Variants in MAP7 observed in about 807,000 individuals in gnomAD.
MAP7 encodes microtubule associated protein 7.
Under a neutral mutation model 94.8 loss-of-function variants are expected in MAP7, and 52 were observed. That is an observed-to-expected ratio of 0.55 (90% CI 0.44 to 0.69). The LOEUF is 0.69. Ranked by LOEUF, MAP7 falls within the 30% of genes least tolerant of loss-of-function variation. The pLI, the probability that MAP7 is intolerant of heterozygous loss-of-function variation, is 0.00. For synonymous variants in MAP7, 350 were observed against 357.0 expected, an observed-to-expected ratio of 0.98 and a Z score of 0.22; for missense variants, 940 against 964.6, an observed-to-expected ratio of 0.97 and a Z score of 0.34.
intron 11 of MAP7, among the ~76,000 whole-genome samples, chr6:136,361,968 A>G (rs1582671946): frequency 6.6e-6 from 1 of 152,360 alleles, no homozygotes; most frequent in East Asian, 1.9e-4. Context: ...ATAATTATGT[A>G]AATATGTATA....
chr6:136,505,275 G>GTATATATA (rs1312349410), intron 1 of MAP7, among the ~76,000 whole-genome samples: 66 of 69,164 alleles, frequency 9.5e-4, no homozygotes, highest in East Asian at 2.0e-3. Flanking sequence ...GTGTGTGTGT[G>GTATATATA]TGTATATATA....
At chr6:136,520,731 C>G (rs1037967937) in intron 1 of MAP7, among the ~76,000 whole-genome samples, 1 of 152,156 alleles carries the variant, frequency 6.6e-6, no homozygotes, top group Non-Finnish European at 1.5e-5. Flanking sequence ...TCTGATTCTA[C>G]AGAGTAAGTC....
chr6:136,548,861 T>C (rs1352257418), intron 1 of MAP7, among the ~76,000 whole-genome samples: 1 of 152,236 alleles, frequency 6.6e-6, no homozygotes, highest in African/African-American at 2.4e-5. Context: ...CAAATGAGGA[T>C]GCTCCTCTCC....
At chr6:136,495,764 T>C (rs886178037) in intron 1 of MAP7, among the ~76,000 whole-genome samples, 6 of 152,174 alleles carry the variant, frequency 3.9e-5, no homozygotes, top group African/African-American at 1.4e-4. Flanking sequence ...ATAGAATCTA[T>C]AGATACCAAC....
intron 1 of MAP7, among the ~76,000 whole-genome samples, chr6:136,456,318 C>T (rs917986194): frequency 3.3e-5 from 5 of 152,016 alleles, no homozygotes; most frequent in East Asian, 1.9e-4. Context: ...CCAAAACTTA[C>T]GAGATGCAGC....
At chr6:136,369,508 G>A (rs974017985) in intron 8 of MAP7, among the ~76,000 whole-genome samples, 1 of 152,148 alleles carries the variant, frequency 6.6e-6, no homozygotes, top group Non-Finnish European at 1.5e-5. Flanking sequence ...GGGAGGCAGA[G>A]GTTGCAGTGA....
intron 1 of MAP7, among the ~76,000 whole-genome samples, chr6:136,522,812 A>G (rs1440367862): frequency 1.4e-4 from 21 of 152,350 alleles, no homozygotes; most frequent in Admixed American, 1.4e-3. Flanking sequence ...TGGGAGGATC[A>G]CTTGAAGACA....
chr6:136,466,879 G>C (rs1807298698), intron 1 of MAP7: 14 of 1,525,144 alleles, frequency 9.2e-6, no homozygotes, highest in Non-Finnish European at 1.1e-5. Flanking sequence ...AAATATCAGT[G>C]AAGGGGCCGT....
Position 136,360,799 on chromosome 6 carries a change from C to T in MAP7, c.1702-1G>A. On this transcript the variant is annotated splice_acceptor_variant, in intron 12 of 17. Transcript: ENST00000354570. LOFTEE classifies it high-confidence loss of function. ...CACGAACGCGAGCTTCTTCTTCTTT[C>T]TGAAAACAGAAGGTCGGCGTCTGCC... 1 of 1,613,700 alleles carries T rather than the reference C, an allele frequency of 6.2e-7. No homozygotes were observed. Among genetic ancestry groups the T allele is most frequent in the Non-Finnish European group, 8.5e-7 (1 of 1,180,002 alleles).
chr6:136,389,221 A>G, intron 4 of MAP7, 133 bp downstream of exon 4: 2 of 1,372,934 alleles, frequency 1.5e-6, no homozygotes, highest in Non-Finnish European at 1.9e-6. Context: ...TAGAAACTGT[A>G]GCCATCTGTA....
chr6:136,544,645 T>C (rs1215884303), intron 1 of MAP7, among the ~76,000 whole-genome samples: 2 of 152,218 alleles, frequency 1.3e-5, no homozygotes, highest in Non-Finnish European at 2.9e-5. Flanking sequence ...TCAGCTATTA[T>C]TCCTTTATGG....
intron 1 of MAP7, among the ~76,000 whole-genome samples, chr6:136,433,363 C>T (rs1186601053): frequency 6.6e-6 from 1 of 152,204 alleles, no homozygotes; most frequent in Non-Finnish European, 1.5e-5. Flanking sequence ...TGTGAGACCA[C>T]AGTCCTGACT....
At chr6:136,362,147 A>G (rs1418104474) in intron 11 of MAP7, among the ~76,000 whole-genome samples, 1 of 152,118 alleles carries the variant, frequency 6.6e-6, no homozygotes, top group Non-Finnish European at 1.5e-5. Flanking sequence ...ATGGCTGGGC[A>G]TGGTGGCTCA....
chr6:136,415,974 GA>G (rs1447605329), intron 2 of MAP7, among the ~76,000 whole-genome samples: 2 of 152,170 alleles, frequency 1.3e-5, no homozygotes, highest in Non-Finnish European at 2.9e-5. Context: ...ATTGTAGAGT[GA>G]AAAAGTTATT....
At chr6:136,372,729 G>A in intron 7 of MAP7, 104 bp from the exon 8 acceptor site, 2 of 1,451,530 alleles carry the variant, frequency 1.4e-6, no homozygotes, top group Non-Finnish European at 1.9e-6. Flanking sequence ...TTCAGGAAAA[G>A]GAGCAAAGCA....
chr6:136,523,783 CTTGA>C (rs1323489267), intron 1 of MAP7, among the ~76,000 whole-genome samples: 3 of 152,070 alleles, frequency 2.0e-5, no homozygotes, highest in Admixed American at 2.0e-4. Context: ...TCAGAAACTC[CTTGA>C]TTAAGTCTCT....
intron 7 of MAP7, among the ~76,000 whole-genome samples, chr6:136,375,726 CA>C (rs770829959): frequency 1.1e-4 from 17 of 152,080 alleles, no homozygotes; most frequent in Non-Finnish European, 2.2e-4. Context: ...AATGTATTGA[CA>C]AAACAGGCAG....
At chr6:136,404,745 C>T (rs1785101085) in intron 3 of MAP7, among the ~76,000 whole-genome samples, 1 of 152,186 alleles carries the variant, frequency 6.6e-6, no homozygotes, top group African/African-American at 2.4e-5. Flanking sequence ...AAAACTTAAA[C>T]ACAATCAATA....
At chr6:136,444,185 A>G (rs994739350) in intron 1 of MAP7, among the ~76,000 whole-genome samples, 19 of 152,250 alleles carry the variant, frequency 1.2e-4, no homozygotes, top group Non-Finnish European at 2.5e-4. Flanking sequence ...CTTCGGAGCC[A>G]TGGAGGTCTA....
Sources: gnomAD v4.1 joint callset for allele counts (sites outside exome capture counted in the v4.1 genomes callset) on GRCh38, gnomAD v4.1.1 for gene constraint, MANE v1.5 for transcripts, NCBI Gene and HGNC (gene_info 2026-07-23, HGNC 2026-07-21) for gene names.